The following SYTL2 variants were observed in gnomAD, a reference collection of about 807,000 sequenced individuals.
SYTL2 encodes the protein synaptotagmin-like protein 2.
A neutral mutation model predicts 198.7 loss-of-function variants in SYTL2; 165 were observed. The ratio of observed to expected loss-of-function variants is 0.83; its 90% CI spans 0.73 to 0.94. The LOEUF is 0.94. Ranked by LOEUF, SYTL2 falls within the 40% of genes least tolerant of loss-of-function variation. The pLI is 0.00. For missense variants in SYTL2, 2,835 were observed against 2,582.8 expected (o/e 1.10, Z -2.12); for synonymous variants, 966 against 917.7 (o/e 1.05, Z -0.95).
chr11:85,748,366 C>A lies in SYTL2; in HGVS notation c.159G>T (p.Trp53Cys). 1 of 1,614,032 alleles carries A rather than the reference C, an allele frequency of 6.2e-7. No individual in the cohort carries two copies. The change falls in exon 3 of 20, where the codon TGG becomes TGT. Residue 53 changes from tryptophan to cysteine, a missense_variant. Trp to Cys is a radical substitution (Grantham distance 215). Coordinates refer to ENST00000359152, the MANE Select transcript of SYTL2 (RefSeq NM_206927.4). ...DQQLKNMSGQ[W>C]FYEAKAKRHR... ...GCCTTTTTGCCTTGGCTTCATAAAA[C>A]CATTGGCCACTCATATTCTTCAGCT...
chr11:85,789,361 T>TACATATAC lies in SYTL2; in HGVS notation c.-390+21592_-390+21593insGTATATGT, dbSNP rs1406253610. Among the ~76,000 whole-genome samples the TACATATAC allele has an allele frequency of 3.6e-4, 23 of 63,972 alleles. No individual in the cohort carries two copies. In the South Asian group the frequency reaches 0.011, roughly 30 times the overall value. 42.0% of individuals were successfully genotyped at this position (63,972 alleles called of 152,430 possible). A position where few individuals can be genotyped will look rare whatever the true frequency, so the allele number is the denominator to read the frequency against. Reference sequence around the variant, plus strand: ...GTGTGTATATATATATATATATATATATATATATATATATATGTATATATA... The same window carrying TACATATAC: ...GTGTGTATATATATATATATATATATACATATACATATATATATATATATGTATATATA... On this transcript the variant is annotated intron_variant, in intron 1 of 19. Transcript: ENST00000359152.
chr11:85,728,187 TG>T (rs1352630751), intron 7 of SYTL2, among the ~76,000 whole-genome samples: 2 of 152,220 alleles, frequency 1.3e-5, no homozygotes, highest in Non-Finnish European at 2.9e-5. Flanking sequence ...TGTAGAGACC[TG>T]GAAGTACATG....
chr11:85,853,056 G>A, the SYTL2 span: 13 of 297,634 alleles, frequency 4.4e-5, no homozygotes, highest in African/African-American at 9.6e-5. Context: ...GAGCGCCTCC[G>A]CCCGGCCGCC....
chr11:85,815,373 A>C (rs1482915011), upstream of SYTL2, among the ~76,000 whole-genome samples: 5 of 152,246 alleles, frequency 3.3e-5, no homozygotes, highest in African/African-American at 1.2e-4. Flanking sequence ...AATGTACAGC[A>C]TTTAAAACAC....
At chr11:85,840,391 AT>A in the SYTL2 span, among the ~76,000 whole-genome samples, 5 of 152,172 alleles carry the variant, frequency 3.3e-5, no homozygotes, top group Non-Finnish European at 7.4e-5. Flanking sequence ...ATTTTCCCCA[AT>A]GTTTTCTTGT....
rs372976353 is a variant in SYTL2 at position 85,714,457 on chromosome 11, G to A, written c.5581C>T (p.Leu1861Phe). 1.1e-5 allele frequency: 18 copies of A among 1,613,720 alleles called. No homozygotes were observed. The highest frequency in any genetic ancestry group is 1.4e-5 in the Non-Finnish European group (16 of 1,179,772). Residue 1861 changes from leucine (L) to phenylalanine (F), a missense_variant, in exon 12 of 20, where the codon CTC becomes TTC. This residue lies in a region of SYTL2 where 2,645 missense variants were observed against 2,381.7 expected (regional missense o/e 1.11). Coordinates refer to ENST00000359152, the MANE Select transcript of SYTL2 (RefSeq NM_206927.4). ...PDNPFSHPDK[L>F]KRMSKSVPAF... ...GGAACAGACTTGCTCATCCTTTTGA[G>A]TTTGTCAGGGTGAGAAAATGGATTA...
chr11:85,803,786 T>C (rs2092923054), intron 1 of SYTL2, among the ~76,000 whole-genome samples: 1 of 152,220 alleles, frequency 6.6e-6, no homozygotes, highest in East Asian at 1.9e-4. Context: ...TCTGTGACCT[T>C]GGGCAAAGGA....
At chr11:85,800,830 CCTGGCCA>C (rs2153647063) in intron 1 of SYTL2, among the ~76,000 whole-genome samples, 1 of 152,332 alleles carries the variant, frequency 6.6e-6, no homozygotes, top group Admixed American at 6.5e-5. Flanking sequence ...ACCCTTGGCT[CCTGGCCA>C]CACATTATTA....
chr11:85,744,244 T>C (rs631410), intron 4 of SYTL2, among the ~76,000 whole-genome samples: 1 of 152,050 alleles, frequency 6.6e-6, no homozygotes, highest in African/African-American at 2.4e-5. Context: ...GAATTCTATA[T>C]TCACTGGCTA....
chr11:85,845,625 T>C, the SYTL2 span, among the ~76,000 whole-genome samples: 1 of 151,696 alleles, frequency 6.6e-6, no homozygotes, highest in Non-Finnish European at 1.5e-5. Flanking sequence ...ATAAATAAAA[T>C]AGGCCAGGCG....
chr11:85,807,665 G>A (rs186030556), intron 1 of SYTL2, among the ~76,000 whole-genome samples: 1 of 152,244 alleles, frequency 6.6e-6, no homozygotes, highest in African/African-American at 2.4e-5. Flanking sequence ...TTAATTTTCT[G>A]CTCAAATTTT....
intron 1 of SYTL2, among the ~76,000 whole-genome samples, chr11:85,771,939 A>G (rs960088103): frequency 5.9e-5 from 9 of 152,024 alleles, no homozygotes; most frequent in African/African-American, 1.7e-4. Flanking sequence ...ATCTTGCTCT[A>G]TCACCCAGGC....
chr11:85,696,735 T>C lies in SYTL2; in HGVS notation c.6369-347A>G, dbSNP rs1031919056. On this transcript the variant is annotated intron_variant, in intron 18 of 19. Coordinates refer to ENST00000359152, the MANE Select transcript of SYTL2 (RefSeq NM_206927.4). ...GCTAAAATTAGAATTAAATAACATA[T>C]GCAAAACACTTAGCTCCATGCCTGC... Among the ~76,000 whole-genome samples the C allele has an allele frequency of 6.6e-5, 10 of 152,324 alleles. 2 individuals are homozygous for C. Among genetic ancestry groups the C allele is most frequent in the Admixed American group, 3.9e-4 (6 of 15,302 alleles).
chr11:85,697,462 G>A (rs1349504247), intron 18 of SYTL2, among the ~76,000 whole-genome samples: 1 of 152,198 alleles, frequency 6.6e-6, no homozygotes, highest in Non-Finnish European at 1.5e-5. Flanking sequence ...CTAGATGCCA[G>A]TCACTTTATA....
intron 15 of SYTL2, 139 bp downstream of exon 15, chr11:85,707,290 A>G (rs1480366596): frequency 6.6e-6 from 4 of 603,926 alleles, no homozygotes; most frequent in Admixed American, 6.3e-5. Flanking sequence ...TGTCTCAAAC[A>G]AAACAGTCTC....
the SYTL2 span, among the ~76,000 whole-genome samples, chr11:85,843,244 T>G: frequency 1.3e-5 from 2 of 152,124 alleles, no homozygotes; most frequent in Non-Finnish European, 2.9e-5. Flanking sequence ...GACACACTCT[T>G]GAAATCCCAG....
rs1390104913 is a variant in SYTL2, at chr11:85,725,748, C to T, written c.3610G>A (p.Val1204Ile). Residue 1204 changes from valine to isoleucine, a missense_variant, in exon 8 of 20, where the codon GTT (valine) becomes ATT (isoleucine). Around this residue, in one of 3 missense-constraint regions of SYTL2, gnomAD observed 2,645 missense variants for 2,381.7 expected, o/e 1.11. Coordinates refer to ENST00000359152, the MANE Select transcript of SYTL2 (RefSeq NM_206927.4). ...CTAGCAGTCAAAGAGTTCCGTTTAA[C>T]CTTTGGATGAACTACTGTTTTGTCA... Reference protein sequence around the residue: ...HVDKTVVHPKVKRNSLTASLD... With the variant: ...HVDKTVVHPKIKRNSLTASLD... 2 of 1,614,118 alleles carry T rather than the reference C, an allele frequency of 1.2e-6. No individual in the cohort carries two copies. Among genetic ancestry groups the T allele is most frequent in the South Asian group, 2.2e-5 (2 of 91,068 alleles).
Position 85,725,378 on chromosome 11 carries a change from G to A in SYTL2, c.3980C>T (p.Pro1327Leu). The part of the protein sequence containing the change: ...RKGSFGDVAS[P>L]PQDMLFPQDA... ...CTGGGGAAAAAGCATATCTTGGGGA[G>A]GGCTGGCCACATCCCCAAAAGAACC... The change falls in exon 8 of 20, where the codon CCT (proline) becomes CTT (leucine). Residue 1327 changes from proline to leucine, a missense_variant. By Grantham distance (98) the Pro-to-Leu change is moderately conservative (BLOSUM62 -3). Around this residue, in one of 3 missense-constraint regions of SYTL2, gnomAD observed 2,645 missense variants for 2,381.7 expected, o/e 1.11. Transcript: ENST00000359152. 1 of 1,613,956 alleles carries A rather than the reference G, an allele frequency of 6.2e-7. No individual in the cohort carries two copies. The highest frequency in any genetic ancestry group is 2.2e-5 in the East Asian group (1 of 44,878).
At position 85,740,160 on chromosome 11, in the gene SYTL2, C is replaced by A. The variant is rs147879512; in HGVS notation, c.390-2504G>T. On this transcript the variant is annotated intron_variant, in intron 4 of 19. Coordinates refer to ENST00000359152, the MANE Select transcript of SYTL2 (RefSeq NM_206927.4). Reference sequence around the variant, plus strand: ...GAAGTCTGAACTCCTTGGCAAGGTACTGGAGACCATCCACCATCTGCCCCA... The same window carrying A: ...GAAGTCTGAACTCCTTGGCAAGGTAATGGAGACCATCCACCATCTGCCCCA... Among the ~76,000 whole-genome samples, 602 of 152,298 alleles carry A rather than the reference C, an allele frequency of 4.0e-3. 6 individuals carry two copies. Among genetic ancestry groups the A allele is most frequent in the African/African-American group, 0.013 (525 of 41,570 alleles).
Sources: gnomAD v4.1 joint callset for allele counts (sites outside exome capture counted in the v4.1 genomes callset) on GRCh38, gnomAD v4.1.1 for gene constraint, gnomAD v4.1.1 regional missense constraint, MANE v1.5 for transcripts, NCBI Gene and HGNC (gene_info 2026-07-23, HGNC 2026-07-21) for gene names.